The following ZNF445 variants were observed in gnomAD, a reference collection of about 807,000 sequenced individuals.
The protein encoded by ZNF445 is zinc finger protein 445.
A neutral mutation model predicts 93.9 loss-of-function variants in ZNF445; 19 were observed. That is an observed-to-expected ratio of 0.20 (90% CI 0.14 to 0.30). ZNF445 has a LOEUF of 0.30. ZNF445 is among the 10% of genes least tolerant of loss of function. The pLI is 1.00. For missense variants in ZNF445, 1,058 were observed against 1,259.4 expected (o/e 0.84, Z 2.42); for synonymous variants, 449 against 446.3 (o/e 1.01, Z -0.08).
rs925333610 is a variant in ZNF445 at position 44,448,337 on chromosome 3, C to A, written c.1334G>T (p.Ser445Ile). ...KGLRHMIGGF[S>I]LHQRIHSGLK... ...TCCACTATGAATTCTCTGATGTAGG[C>A]TGAAGCCCCCAATCATGTGTCTGAG... The change falls in exon 8 of 8, where the codon AGC (serine) becomes ATC (isoleucine). Residue 445 changes from serine to isoleucine, a missense_variant. By Grantham distance (142) the Ser-to-Ile change is moderately radical (BLOSUM62 -2). Coordinates refer to ENST00000396077, the MANE Select transcript of ZNF445 (RefSeq NM_181489.6). 5 of 1,614,236 alleles carry A rather than the reference C, an allele frequency of 3.1e-6. No homozygotes were observed. Among genetic ancestry groups the A allele is most frequent in the Non-Finnish European group, 4.2e-6 (5 of 1,180,050 alleles).
At position 44,474,545 on chromosome 3, in the gene ZNF445, AC is replaced by A. The variant is rs368614070; in HGVS notation, c.-269+3045del. 2.5e-3 allele frequency among the ~76,000 whole-genome samples: 388 copies of A among 152,284 alleles called. 5 individuals carry two copies. Among genetic ancestry groups the A allele is most frequent in the African/African-American group, 8.9e-3 (369 of 41,566 alleles). On this transcript the variant is annotated intron_variant, in intron 1 of 7. Transcript: ENST00000396077. ...AACAAAAAACAGAACAAACAAAAAA[AC>A]AAATATAAAACACTTCTTCAGAAGT...
Position 44,448,692 on chromosome 3 carries a change from G to A in ZNF445, c.979C>T (p.Pro327Ser), listed in dbSNP as rs757967347. 6.2e-7 allele frequency: 1 copy of A among 1,613,500 alleles called. No individual in the cohort carries two copies. Among genetic ancestry groups the A allele is most frequent in the South Asian group, 1.1e-5 (1 of 90,888 alleles). Residue 327 changes from proline (P) to serine (S), a missense_variant, in exon 8 of 8, where the codon CCT (proline) becomes TCT (serine). Around this residue, in one of 3 missense-constraint regions of ZNF445, gnomAD observed 657 missense variants for 746.4 expected, o/e 0.88. Transcript: ENST00000396077. ...GCTAAGGTTTCTGCTTCTTCCAAAG[G>A]TTCCTGATTTAAGATGAATTTGTTT... is the stretch of plus-strand genomic sequence containing the variant. Reference protein sequence around the residue: ...KTNKFILNQEPLEEAETLAVS... With the variant: ...KTNKFILNQESLEEAETLAVS...
chr3:44,448,495 T>C lies in ZNF445; in HGVS notation c.1176A>G (p.Gly392=). ...HRTGKDSEVS[G]SNSLDLKHVT... ...CATGTTTTAAGTCAAGACTATTACT[T>C]CCTGATACTTCAGAGTCTTTTCCTG... is the stretch of plus-strand genomic sequence containing the variant. Residue 392 remains glycine (G), a synonymous_variant, in exon 8 of 8, where the codon GGA becomes GGG. Transcript: ENST00000396077. 6.2e-7 allele frequency: 1 copy of C among 1,613,734 alleles called. No individual in the cohort carries two copies. Among genetic ancestry groups the C allele is most frequent in the Non-Finnish European group, 8.5e-7 (1 of 1,179,954 alleles).
At chr3:44,456,710 C>G (rs1337874862) in intron 2 of ZNF445, among the ~76,000 whole-genome samples, 1 of 152,046 alleles carries the variant, frequency 6.6e-6, no homozygotes, top group African/African-American at 2.4e-5. Flanking sequence ...AAAACAAAAA[C>G]AAAAAAATCC....
intron 1 of ZNF445, among the ~76,000 whole-genome samples, chr3:44,459,969 A>C (rs1342376362): frequency 3.3e-5 from 5 of 152,362 alleles, no homozygotes; most frequent in East Asian, 3.8e-4. Context: ...TAGGAGGCCA[A>C]TATGGGAGGA....
intron 1 of ZNF445, among the ~76,000 whole-genome samples, chr3:44,464,429 C>T (rs1348549351): frequency 6.6e-6 from 1 of 152,164 alleles, no homozygotes; most frequent in Non-Finnish European, 1.5e-5. Flanking sequence ...TGTTTATATA[C>T]AAAAGAGCTC....
At chr3:44,472,568 T>C (rs1347473827) in intron 1 of ZNF445, among the ~76,000 whole-genome samples, 4 of 152,180 alleles carry the variant, frequency 2.6e-5, no homozygotes, top group Non-Finnish European at 5.9e-5. Context: ...GGCGAATGCC[T>C]GTGAATATAG....
chr3:44,449,778 C>T (rs922174839), intron 6 of ZNF445, among the ~76,000 whole-genome samples, 155 bp from the exon 7 acceptor site: 6 of 152,122 alleles, frequency 3.9e-5, no homozygotes, highest in African/African-American at 1.4e-4. Flanking sequence ...TTCAAATAGC[C>T]CTGAGCAGAG....
chr3:44,450,861 G>C lies in ZNF445; in HGVS notation c.693+7C>G. Reference sequence around the variant, plus strand: ...CATCAGGAAGGACCAAATGTTCTGTGGCTCACCTGGAGCTGGGCTGTCAGG... The same window carrying C: ...CATCAGGAAGGACCAAATGTTCTGTCGCTCACCTGGAGCTGGGCTGTCAGG... On this transcript the variant is annotated splice_region_variant and intron_variant, in intron 5 of 7. Coordinates refer to ENST00000396077, the MANE Select transcript of ZNF445 (RefSeq NM_181489.6). 6.4e-7 allele frequency: 1 copy of C among 1,557,592 alleles called. No individual in the cohort carries two copies. The highest frequency in any genetic ancestry group is 8.7e-7 in the Non-Finnish European group (1 of 1,153,890).
rs897311018 is a variant in ZNF445 at position 44,432,659 on chromosome 3, C to G, written c.*13916G>C. The G allele has an allele frequency of 6.6e-6, 1 of 152,176 alleles. No homozygotes were observed. The highest frequency in any genetic ancestry group is 2.4e-5 in the African/African-American group (1 of 41,428). 9.4% of individuals were successfully genotyped at this position (152,176 alleles called of 1,614,324 possible). On this transcript the variant is annotated 3_prime_UTR_variant, in exon 8 of 8. Coordinates refer to ENST00000396077, the MANE Select transcript of ZNF445 (RefSeq NM_181489.6). ...CCACAAATTTAAACGTTAATCTCAT[C>G]CAAAGCAACCTCACAGAAACACCCA...
intron 1 of ZNF445, among the ~76,000 whole-genome samples, chr3:44,462,013 C>G (rs1229507515): frequency 6.6e-6 from 1 of 151,902 alleles, no homozygotes; most frequent in Non-Finnish European, 1.5e-5. Flanking sequence ...CTCTCTCTCT[C>G]TCTGTCTGGG....
At chr3:44,468,002 C>G (rs918042168) in intron 1 of ZNF445, among the ~76,000 whole-genome samples, 1 of 152,178 alleles carries the variant, frequency 6.6e-6, no homozygotes, top group Non-Finnish European at 1.5e-5. Flanking sequence ...TTATAGTAGG[C>G]TGTTTCACTT....
chr3:44,455,180 C>T lies in ZNF445; in HGVS notation c.370G>A (p.Glu124Lys), dbSNP rs148541292. The change falls in exon 3 of 8, where the codon GAG (glutamate) becomes AAG (lysine). Residue 124 changes from glutamate (E) to lysine (K), a missense_variant. Physicochemically the swap from Glu to Lys is moderately conservative, Grantham distance 56. This residue lies in a region of ZNF445 where 657 missense variants were observed against 746.4 expected (regional missense o/e 0.88). Transcript: ENST00000396077. ...WVQLHNPESGEEAVALLEELQ... is the reference protein window; with the variant it reads ...WVQLHNPESGKEAVALLEELQ... ...TCCTCCAGCAAGGCCACAGCCTCCT[C>T]GCCACTCTCAGGGTTATGAAGCTGC... is the stretch of plus-strand genomic sequence containing the variant. 200 of 1,614,198 alleles carry T rather than the reference C, an allele frequency of 1.2e-4. No individual in the cohort carries two copies. The highest frequency in any genetic ancestry group is 2.0e-4 in the Admixed American group (12 of 60,022).
In ZNF445 at chr3:44,455,579, T is replaced by C. The variant is rs1181104092; in HGVS notation, c.-30A>G. ...CCTGTTCAGGGACTAACCAGAAGAGTGCGAACCAAGTCCACCTTAGACGTG... is the reference window on the plus strand; with the variant it reads ...CCTGTTCAGGGACTAACCAGAAGAGCGCGAACCAAGTCCACCTTAGACGTG... On this transcript the variant is annotated 5_prime_UTR_variant, in exon 3 of 8. Coordinates refer to ENST00000396077, the MANE Select transcript of ZNF445 (RefSeq NM_181489.6). 6.5e-7 allele frequency: 1 copy of C among 1,531,602 alleles called. No homozygotes were observed. The highest frequency in any genetic ancestry group is 1.4e-5 in the African/African-American group (1 of 72,270). The allele number at this position is 1,531,602 out of a possible 1,614,324, so 94.9% of individuals were successfully genotyped here. A position where few individuals can be genotyped will look rare whatever the true frequency, so the allele number is the denominator to read the frequency against.
rs1169381112 is a variant in ZNF445 at position 44,432,195 on chromosome 3, A to G, written c.*14380T>C. Reference sequence around the variant, plus strand: ...TTACAGGCGTTGAGCCACCATGCCCAGCCCTTGAAATTTAAATTTCAATGT... The same window carrying G: ...TTACAGGCGTTGAGCCACCATGCCCGGCCCTTGAAATTTAAATTTCAATGT... On this transcript the variant is annotated 3_prime_UTR_variant, in exon 8 of 8. Transcript: ENST00000396077. The G allele has an allele frequency of 6.6e-6, 1 of 152,148 alleles. No homozygotes were observed. The highest frequency in any genetic ancestry group is 2.4e-5 in the African/African-American group (1 of 41,414). The allele number at this position is 152,148 out of a possible 1,614,324, so 9.4% of individuals were successfully genotyped here.
At chr3:44,460,863 G>T (rs1482066161) in intron 1 of ZNF445, among the ~76,000 whole-genome samples, 1 of 152,184 alleles carries the variant, frequency 6.6e-6, no homozygotes, top group Non-Finnish European at 1.5e-5. Flanking sequence ...TTGGGGGCTT[G>T]TCCAGGACTG....
In ZNF445 at chr3:44,455,136, A is replaced by T. The variant is rs201109565; in HGVS notation, c.414T>A (p.Asp138Glu). The change falls in exon 3 of 8, where the codon GAT (aspartate) becomes GAA (glutamate). Residue 138 changes from aspartate (D) to glutamate (E), a missense_variant. Physicochemically the swap from Asp to Glu is conservative, Grantham distance 45 (BLOSUM62 2). Transcript: ENST00000396077. ...TCACACTCACCCTCCAGGATGTCCC[A>T]TCAAGGTCCCTCTGCAGCTCCTCCA... ...ALLEELQRDL[D>E]GTSWRDPGPA... 276 of 1,613,960 alleles carry T rather than the reference A, an allele frequency of 1.7e-4. No individual in the cohort carries two copies. Among genetic ancestry groups the T allele is most frequent in the Non-Finnish European group, 2.3e-4 (270 of 1,180,022 alleles).
chr3:44,476,887 C>T (rs1287049636), intron 1 of ZNF445, among the ~76,000 whole-genome samples: 1 of 151,998 alleles, frequency 6.6e-6, no homozygotes, highest in Admixed American at 6.6e-5. Flanking sequence ...ACTGCAAACA[C>T]GATTTCTTAA....
intron 2 of ZNF445, among the ~76,000 whole-genome samples, chr3:44,457,234 T>G (rs1424702247): frequency 6.6e-6 from 1 of 152,152 alleles, no homozygotes; most frequent in African/African-American, 2.4e-5. Context: ...CACATCACTA[T>G]GTAGAGGAGT....
Sources: gnomAD v4.1 joint callset for allele counts (sites outside exome capture counted in the v4.1 genomes callset) on GRCh38, gnomAD v4.1.1 for gene constraint, gnomAD v4.1.1 regional missense constraint, MANE v1.5 for transcripts, NCBI Gene and HGNC (gene_info 2026-07-23, HGNC 2026-07-21) for gene names.